Variants in BCAR3 observed in about 807,000 individuals in gnomAD.
BCAR3 encodes breast cancer anti-estrogen resistance protein 3.
Under a neutral mutation model 80.1 loss-of-function variants are expected in BCAR3, and 37 were observed. The ratio of observed to expected loss-of-function variants is 0.46; its 90% CI spans 0.36 to 0.61. BCAR3 has a LOEUF of 0.61. BCAR3 is among the 20% of genes least tolerant of loss of function. BCAR3 has a pLI of 0.00. For synonymous variants in BCAR3, 389 were observed against 418.9 expected, an observed-to-expected ratio of 0.93 and a Z score of 0.87; for missense variants, 978 against 1,068.2, an observed-to-expected ratio of 0.92 and a Z score of 1.18.
intron 2 of BCAR3, among the ~76,000 whole-genome samples, chr1:93,713,541 G>T (rs1650096806): frequency 6.6e-6 from 1 of 152,108 alleles, no homozygotes; most frequent in Non-Finnish European, 1.5e-5. Flanking sequence ...CTCATTTCAG[G>T]GTAGGGCAAG....
intron 3 of BCAR3, among the ~76,000 whole-genome samples, chr1:93,605,878 G>C (rs373444741): frequency 1.2e-4 from 18 of 152,198 alleles, no homozygotes; most frequent in Admixed American, 7.2e-4. Flanking sequence ...GGAAAAACAA[G>C]ATATGCCAAA....
intron 2 of BCAR3, among the ~76,000 whole-genome samples, chr1:93,762,581 C>G (rs140277800): frequency 6.6e-6 from 1 of 152,184 alleles, no homozygotes; most frequent in Non-Finnish European, 1.5e-5. Flanking sequence ...AGGGACCTGA[C>G]GTGCTACGGA....
intron 3 of BCAR3, among the ~76,000 whole-genome samples, chr1:93,703,603 C>G (rs1407466399): frequency 6.6e-6 from 1 of 151,072 alleles, no homozygotes; most frequent in Non-Finnish European, 1.5e-5. Flanking sequence ...ACCCTGCAGG[C>G]TTTCAAATTA....
chr1:93,805,810 G>A (rs1220285852), intron 2 of BCAR3, among the ~76,000 whole-genome samples: 1 of 152,134 alleles, frequency 6.6e-6, no homozygotes, highest in Non-Finnish European at 1.5e-5. Context: ...AATTCATGGG[G>A]AAGAAAAGGA....
At chr1:93,715,726 T>C (rs1650168789) in intron 2 of BCAR3, among the ~76,000 whole-genome samples, 2 of 152,244 alleles carry the variant, frequency 1.3e-5, no homozygotes, top group African/African-American at 4.8e-5. Context: ...ACAGCACTTC[T>C]TCCCTCACGT....
At chr1:93,685,129 T>A (rs970313836), upstream of BCAR3, among the ~76,000 whole-genome samples, 1 of 152,230 alleles carries the variant, frequency 6.6e-6, no homozygotes, top group African/African-American at 2.4e-5. Context: ...GCTCAATATA[T>A]GTTAATGGTT....
chr1:93,714,628 T>G (rs1011590044), intron 2 of BCAR3, among the ~76,000 whole-genome samples: 1 of 152,116 alleles, frequency 6.6e-6, no homozygotes, highest in Non-Finnish European at 1.5e-5. Context: ...CCTCTTGGCT[T>G]TACTTGTATT....
At chr1:93,690,094 T>C (rs1649139478) in intron 3 of BCAR3, among the ~76,000 whole-genome samples, 1 of 152,222 alleles carries the variant, frequency 6.6e-6, no homozygotes. Flanking sequence ...GGTAATTCCA[T>C]AGGTACCGAT....
chr1:93,801,087 G>A (rs372057067), intron 2 of BCAR3, among the ~76,000 whole-genome samples: 1 of 152,168 alleles, frequency 6.6e-6, no homozygotes, highest in Non-Finnish European at 1.5e-5. Flanking sequence ...CTCGGAGCCC[G>A]TATTCCTCTT....
chr1:93,751,720 T>C (rs1651564352), intron 2 of BCAR3, among the ~76,000 whole-genome samples: 1 of 152,174 alleles, frequency 6.6e-6, no homozygotes, highest in Non-Finnish European at 1.5e-5. Context: ...CCAGAGCCAT[T>C]AGCACACTTG....
intron 2 of BCAR3, among the ~76,000 whole-genome samples, chr1:93,737,316 G>A (rs1020221036): frequency 2.0e-5 from 3 of 152,176 alleles, no homozygotes; most frequent in Admixed American, 2.0e-4. Flanking sequence ...GTCTTTTGCA[G>A]GTGTAATTAG....
intron 2 of BCAR3, among the ~76,000 whole-genome samples, chr1:93,711,398 A>C (rs767255299): frequency 6.6e-6 from 1 of 152,206 alleles, no homozygotes; most frequent in Admixed American, 6.5e-5. Context: ...TGTGTCTGTC[A>C]TTATTCAGCC....
chr1:93,627,773 A>G (rs1174051030), intron 3 of BCAR3, among the ~76,000 whole-genome samples: 1 of 152,214 alleles, frequency 6.6e-6, no homozygotes, highest in Non-Finnish European at 1.5e-5. Flanking sequence ...GTCACATAAC[A>G]AAAACTTTTT....
At chr1:93,715,631 C>A (rs1650166228) in intron 2 of BCAR3, among the ~76,000 whole-genome samples, 1 of 152,136 alleles carries the variant, frequency 6.6e-6, no homozygotes, top group Non-Finnish European at 1.5e-5. Flanking sequence ...AGAGCTGGCC[C>A]ACAGCAGACA....
chr1:93,692,777 G>A (rs1174214200), intron 3 of BCAR3, among the ~76,000 whole-genome samples: 1 of 152,192 alleles, frequency 6.6e-6, no homozygotes, highest in East Asian at 1.9e-4. Context: ...TGAGCGTGGT[G>A]TGGAATGGCA....
intron 2 of BCAR3, among the ~76,000 whole-genome samples, chr1:93,833,722 G>C (rs772058761): frequency 2.2e-4 from 33 of 152,156 alleles, no homozygotes; most frequent in Non-Finnish European, 2.9e-5. Flanking sequence ...CTTGTTTCCT[G>C]AAAATTGCTG....
intron 4 of BCAR3, among the ~76,000 whole-genome samples, chr1:93,591,912 C>T (rs1165613733): frequency 1.3e-5 from 2 of 152,216 alleles, no homozygotes; most frequent in East Asian, 3.9e-4. Context: ...TGGTCTGAGG[C>T]TGCTGGCAGC....
chr1:93,719,585 G>C (rs1650317245), intron 2 of BCAR3, among the ~76,000 whole-genome samples: 1 of 151,946 alleles, frequency 6.6e-6, no homozygotes, highest in African/African-American at 2.4e-5. Context: ...CTCGTGATCT[G>C]CCTGCCTCGG....
At chr1:93,612,570 G>A (rs1299703973) in intron 3 of BCAR3, among the ~76,000 whole-genome samples, 3 of 152,152 alleles carry the variant, frequency 2.0e-5, no homozygotes, top group African/African-American at 4.8e-5. Context: ...GTTGGCTTGT[G>A]GAAGGACTTC....
Sources: gnomAD v4.1 joint callset for allele counts (sites outside exome capture counted in the v4.1 genomes callset) on GRCh38, gnomAD v4.1.1 for gene constraint, MANE v1.5 for transcripts, NCBI Gene and HGNC (gene_info 2026-07-23, HGNC 2026-07-21) for gene names.